Variants in SPOCK3 observed in about 807,000 individuals in gnomAD.
SPOCK3 encodes the protein testican-3.
Under a neutral mutation model 56.6 loss-of-function variants are expected in SPOCK3, and 30 were observed. The observed-to-expected ratio is 0.53, with a 90% CI of 0.40 to 0.72. The LOEUF (loss-of-function observed/expected upper bound fraction) is 0.72. SPOCK3 is among the 30% of genes least tolerant of loss of function. The pLI is 0.00. For missense variants in SPOCK3, 527 were observed against 530.0 expected (o/e 0.99, Z 0.06); for synonymous variants, 196 against 183.3 (o/e 1.07, Z -0.56).
At chr4:166,950,002 C>A (rs530405529) in intron 4 of SPOCK3, among the ~76,000 whole-genome samples, 2 of 150,824 alleles carry the variant, frequency 1.3e-5, no homozygotes, top group African/African-American at 2.5e-5. Context: ...TAAAGACCAT[C>A]GAGACTAGGA....
intron 3 of SPOCK3, among the ~76,000 whole-genome samples, chr4:167,054,834 C>T (rs973175277): frequency 6.6e-6 from 1 of 151,992 alleles, no homozygotes; most frequent in Non-Finnish European, 1.5e-5. Context: ...TATCTAGAAG[C>T]AAATTTGCAA....
chr4:167,035,141 A>G (rs1429201178), intron 3 of SPOCK3, among the ~76,000 whole-genome samples: 1 of 152,180 alleles, frequency 6.6e-6, no homozygotes, highest in Non-Finnish European at 1.5e-5. Context: ...TCCAAATAGA[A>G]GAAAAACACA....
chr4:166,869,123 C>A (rs1732184731), intron 6 of SPOCK3, among the ~76,000 whole-genome samples: 1 of 152,120 alleles, frequency 6.6e-6, no homozygotes, highest in Non-Finnish European at 1.5e-5. Flanking sequence ...CTCAACTGAG[C>A]AACCACAGAC....
chr4:167,090,195 C>T (rs1311096754), intron 2 of SPOCK3, among the ~76,000 whole-genome samples: 1 of 152,112 alleles, frequency 6.6e-6, no homozygotes, highest in East Asian at 1.9e-4. Context: ...AAGAAACTGC[C>T]AAATTGCTTC....
At chr4:167,123,354 C>A (rs190769158) in intron 2 of SPOCK3, among the ~76,000 whole-genome samples, 96 of 152,268 alleles carry the variant, frequency 6.3e-4, no homozygotes, top group African/African-American at 2.2e-3. Context: ...ACTTAAGATT[C>A]TCTTTCACAG....
intron 6 of SPOCK3, among the ~76,000 whole-genome samples, chr4:166,832,259 A>G (rs762786621): frequency 1.1e-4 from 17 of 152,038 alleles, no homozygotes; most frequent in Non-Finnish European, 2.4e-4. Context: ...TAATTTTTGT[A>G]TATGGTGAAA....
rs183821279 is a variant in SPOCK3, at chr4:167,227,957, A to G, written c.189+6028T>C. On this transcript the variant is annotated intron_variant, in intron 2 of 10. Coordinates refer to ENST00000357545, the MANE Select transcript of SPOCK3 (RefSeq NM_001040159.2). ...CCAAGCAAGCTGACTAGCTGTAAGA[A>G]ACAGAAAAGCACACTGTGTCCACAC... Among the ~76,000 whole-genome samples, 8 of 152,284 alleles carry G rather than the reference A, an allele frequency of 5.3e-5. No individual in the cohort carries two copies. In the East Asian group the frequency reaches 1.5e-3, roughly 29 times the overall value.
intron 4 of SPOCK3, among the ~76,000 whole-genome samples, chr4:166,968,059 G>A (rs1744940808): frequency 6.6e-6 from 1 of 152,178 alleles, no homozygotes; most frequent in African/African-American, 2.4e-5. Context: ...TTGAATTTGA[G>A]AAAGATGATT....
chr4:167,010,590 CA>C (rs1749941022), intron 3 of SPOCK3, among the ~76,000 whole-genome samples: 1 of 148,776 alleles, frequency 6.7e-6, no homozygotes, highest in African/African-American at 2.5e-5. Flanking sequence ...AAAATATGTT[CA>C]TAAAGATACA....
At chr4:167,011,468 A>T (rs1243258215) in intron 3 of SPOCK3, among the ~76,000 whole-genome samples, 1 of 152,146 alleles carries the variant, frequency 6.6e-6, no homozygotes, top group Non-Finnish European at 1.5e-5. Context: ...CAAAATTCAA[A>T]TCTTTGTTAT....
intron 2 of SPOCK3, among the ~76,000 whole-genome samples, chr4:167,124,752 C>G (rs972859204): frequency 3.6e-4 from 55 of 152,144 alleles, no homozygotes; most frequent in African/African-American, 1.2e-3. Flanking sequence ...CCTCAATTGT[C>G]TTCACAGTTC....
intron 4 of SPOCK3, among the ~76,000 whole-genome samples, chr4:166,932,636 T>C (rs968373688): frequency 2.6e-5 from 4 of 152,168 alleles, no homozygotes; most frequent in Non-Finnish European, 4.4e-5. Flanking sequence ...TGTCAACTGA[T>C]TTGTTTCTCA....
At chr4:167,096,169 A>T (rs1159330086) in intron 2 of SPOCK3, among the ~76,000 whole-genome samples, 2 of 151,982 alleles carry the variant, frequency 1.3e-5, no homozygotes, top group Admixed American at 1.3e-4. Context: ...TATCATTCAG[A>T]TGCCAATTAT....
At chr4:166,825,318 A>T (rs1745343438) in intron 6 of SPOCK3, among the ~76,000 whole-genome samples, 1 of 152,112 alleles carries the variant, frequency 6.6e-6, no homozygotes. Context: ...CTACAATAAT[A>T]TCCTGTTATT....
intron 2 of SPOCK3, among the ~76,000 whole-genome samples, chr4:167,187,916 A>T (rs911098698): frequency 6.6e-6 from 1 of 152,124 alleles, no homozygotes; most frequent in African/African-American, 2.4e-5. Context: ...GCTGCCATGC[A>T]AGGGTAAGGG....
chr4:166,801,776 G>C (rs1407500877), intron 6 of SPOCK3, among the ~76,000 whole-genome samples: 1 of 152,042 alleles, frequency 6.6e-6, no homozygotes, highest in East Asian at 1.9e-4. Flanking sequence ...TGTAGCAATT[G>C]AAACAACTCA....
chr4:166,890,846 A>C (rs915560673), intron 5 of SPOCK3, among the ~76,000 whole-genome samples: 8 of 152,012 alleles, frequency 5.3e-5, no homozygotes, highest in African/African-American at 1.9e-4. Flanking sequence ...TAAGATTGAC[A>C]ATGAGGTGTT....
At chr4:166,797,108 C>CT (rs1742018892) in intron 6 of SPOCK3, among the ~76,000 whole-genome samples, 1 of 151,820 alleles carries the variant, frequency 6.6e-6, no homozygotes, top group Non-Finnish European at 1.5e-5. Flanking sequence ...TTGTTGGACT[C>CT]TTAATTATTC....
chr4:166,789,353 C>G lies in SPOCK3; in HGVS notation c.709+2817G>C, dbSNP rs187266600. ...TTAAGGTAGGAGAATCACCTGAACACTGGAGGGAGAGGTTGCAATGAGCCG... is the reference window on the plus strand; with the variant it reads ...TTAAGGTAGGAGAATCACCTGAACAGTGGAGGGAGAGGTTGCAATGAGCCG... On this transcript the variant is annotated intron_variant, in intron 7 of 10. Coordinates refer to ENST00000357545, the MANE Select transcript of SPOCK3 (RefSeq NM_001040159.2). Among the ~76,000 whole-genome samples, 467 of 152,110 alleles carry G rather than the reference C, an allele frequency of 3.1e-3. 8 individuals are homozygous for G. Among genetic ancestry groups the G allele is most frequent in the African/African-American group, 8.2e-3 (341 of 41,494 alleles).
Sources: allele counts gnomAD v4.1 joint callset (sites outside exome capture counted in the v4.1 genomes callset), GRCh38; gene constraint gnomAD v4.1.1; transcripts MANE v1.5; gene names NCBI Gene and HGNC (gene_info 2026-07-23, HGNC 2026-07-21).